The following EDNRA variants were observed in gnomAD, a reference collection of about 807,000 sequenced individuals.
The protein encoded by EDNRA is endothelin-1 receptor.
EDNRA carries 11 observed loss-of-function variants against 41.4 expected under a neutral mutation model. That is an observed-to-expected ratio of 0.27 (90% CI 0.17 to 0.44). The LOEUF is 0.44. Ranked by LOEUF, EDNRA falls within the 20% of genes least tolerant of loss-of-function variation. EDNRA has a pLI of 1.00. For missense variants in EDNRA, 294 were observed against 531.0 expected (o/e 0.55, Z 4.39); for synonymous variants, 172 against 183.0 (o/e 0.94, Z 0.49).
At chr4:147,529,599 G>T in intron 3 of EDNRA, among the ~76,000 whole-genome samples, 1 of 152,164 alleles carries the variant, frequency 6.6e-6, no homozygotes, top group East Asian at 1.9e-4. Context: ...AGAGAGGAGG[G>T]ATTCTTTCTG....
In EDNRA at chr4:147,536,040, T is replaced by A; in HGVS notation, c.900+11T>A. On this transcript the variant is annotated intron_variant, in intron 5 of 7. Coordinates refer to ENST00000651419, the MANE Select transcript of EDNRA (RefSeq NM_001957.4). ...GAACATCTTAAGCAGGTAAATCCCA[T>A]AACATCATGAAAATCTGGCCAGGAC... 1 of 1,613,746 alleles carries A rather than the reference T, an allele frequency of 6.2e-7. No individual in the cohort carries two copies. The highest frequency in any genetic ancestry group is 8.5e-7 in the Non-Finnish European group (1 of 1,179,812).
intron 3 of EDNRA, among the ~76,000 whole-genome samples, chr4:147,524,526 GA>G (rs1248577041): frequency 6.6e-6 from 1 of 151,072 alleles, no homozygotes; most frequent in African/African-American, 2.4e-5. Flanking sequence ...GGAAAAGAAA[GA>G]AAAGAAAAAA....
chr4:147,524,439 G>A (rs1730458682), intron 3 of EDNRA, among the ~76,000 whole-genome samples: 2 of 151,718 alleles, frequency 1.3e-5, no homozygotes. Context: ...GTTCCATCAC[G>A]ATAAATAGTT....
At chr4:147,496,901 A>T (rs558979172) in intron 2 of EDNRA, among the ~76,000 whole-genome samples, 2 of 152,176 alleles carry the variant, frequency 1.3e-5, no homozygotes, top group Non-Finnish European at 2.9e-5. Context: ...ACATTCTCCT[A>T]TGCATCTTTT....
chr4:147,497,145 T>G (rs1330781812), intron 2 of EDNRA, among the ~76,000 whole-genome samples: 1 of 146,328 alleles, frequency 6.8e-6, no homozygotes, highest in Non-Finnish European at 1.5e-5. Flanking sequence ...GCAATAGAAT[T>G]CTTCTTTTTT....
chr4:147,505,915 T>C (rs551805940), intron 2 of EDNRA, among the ~76,000 whole-genome samples: 1 of 152,250 alleles, frequency 6.6e-6, no homozygotes, highest in African/African-American at 2.4e-5. Context: ...CCCAAAGTGC[T>C]AGGATTACAG....
intron 4 of EDNRA, among the ~76,000 whole-genome samples, chr4:147,533,513 A>G (rs1226360250): frequency 1.3e-5 from 2 of 152,240 alleles, no homozygotes; most frequent in Non-Finnish European, 2.9e-5. Context: ...TTATTTACAG[A>G]CATCTCAAGG....
At chr4:147,518,402 G>A (rs558188930) in intron 2 of EDNRA, among the ~76,000 whole-genome samples, 1 of 152,306 alleles carries the variant, frequency 6.6e-6, no homozygotes, top group African/African-American at 2.4e-5. Flanking sequence ...CACCAATCGA[G>A]ACTGTTTATA....
chr4:147,506,478 A>C (rs1729720716), intron 2 of EDNRA: 1 of 351,518 alleles, frequency 2.8e-6, no homozygotes, highest in Non-Finnish European at 5.7e-6. Context: ...TGTAACAGCC[A>C]GTTTTGAACC....
At position 147,481,234 on chromosome 4, in the gene EDNRA, G is replaced by T; in HGVS notation, c.-213G>T. 1 of 153,076 alleles carries T rather than the reference G, an allele frequency of 6.5e-6. No homozygotes were observed. The highest frequency in any genetic ancestry group is 1.9e-4 in the South Asian group (1 of 5,318). The allele number at this position is 153,076 out of a possible 1,614,324, so 9.5% of individuals were successfully genotyped here. A position where few individuals can be genotyped will look rare whatever the true frequency, so the allele number is the denominator to read the frequency against. ...GCCCAGGAGGTTTTCTGAAGCCGGG[G>T]AAGCTGTGCAGCCGAAGCCGCCGCC... is the stretch of plus-strand genomic sequence containing the variant. On this transcript the variant is annotated 5_prime_UTR_variant, in exon 1 of 8. Coordinates refer to ENST00000651419, the MANE Select transcript of EDNRA (RefSeq NM_001957.4).
intron 2 of EDNRA, among the ~76,000 whole-genome samples, chr4:147,518,284 A>G (rs538239710): frequency 1.3e-5 from 2 of 152,208 alleles, no homozygotes; most frequent in Non-Finnish European, 2.9e-5. Context: ...CAGCAATGGC[A>G]TAATTATTTG....
rs185422012 is a variant in EDNRA, at chr4:147,486,256, A to C, written c.420+155A>C. On this transcript the variant is annotated intron_variant, in intron 2 of 7. Transcript: ENST00000651419. The surrounding 1 kb of genome is among the most constrained non-coding windows in gnomAD (Gnocchi z 4.3). ...TCTAACTACTAGTTTTAAGATTTAC[A>C]AATTTTATTATCTGTCTTATGTTAC... Among the ~76,000 whole-genome samples the C allele has an allele frequency of 1.6e-3, 247 of 152,336 alleles. No homozygotes were observed. Among genetic ancestry groups the C allele is most frequent in the Non-Finnish European group, 2.6e-3 (180 of 68,014 alleles).
intron 2 of EDNRA, among the ~76,000 whole-genome samples, chr4:147,503,741 G>A (rs1729592409): frequency 1.3e-5 from 2 of 152,238 alleles, no homozygotes; most frequent in Admixed American, 1.3e-4. Context: ...TATTAATCTA[G>A]ATCAGCGTTT....
rs543490260 is a variant in EDNRA at position 147,532,633 on chromosome 4, A to G, written c.676A>G (p.Met226Val). 3 of 1,614,100 alleles carry G rather than the reference A, an allele frequency of 1.9e-6. No homozygotes were observed. The East Asian group carries it at 6.7e-5, about 36-fold the overall frequency. The change falls in exon 4 of 8, where the codon ATG becomes GTG. Residue 226 changes from methionine (M) to valine (V), a missense_variant. Around this residue, in one of 3 missense-constraint regions of EDNRA, gnomAD observed 185 missense variants for 390.8 expected, o/e 0.47. Transcript: ENST00000651419. ...LAIPEAIGFVMVPFEYRGEQH... is the reference protein window; with the variant it reads ...LAIPEAIGFVVVPFEYRGEQH... ...CATTCCTGAAGCGATTGGCTTCGTC[A>G]TGGTACCCTTTGAATATAGGGGTGA...
chr4:147,530,525 T>C (rs1327664214), intron 3 of EDNRA, among the ~76,000 whole-genome samples: 1 of 152,234 alleles, frequency 6.6e-6, no homozygotes, highest in African/African-American at 2.4e-5. Flanking sequence ...ATCTGGACTT[T>C]TTTGAGATTT....
chr4:147,534,881 C>T (rs1730865775), intron 4 of EDNRA, among the ~76,000 whole-genome samples: 1 of 149,510 alleles, frequency 6.7e-6, no homozygotes, highest in Admixed American at 6.6e-5. Flanking sequence ...TAGTCAAGAA[C>T]TCCTCCCCCA....
chr4:147,512,512 A>T (rs10305885), intron 2 of EDNRA, among the ~76,000 whole-genome samples: 1,815 of 152,336 alleles, frequency 0.012, 37 homozygotes, highest in African/African-American at 0.042. Context: ...TTCCATCTAA[A>T]TGCAGTTTAG....
intron 2 of EDNRA, among the ~76,000 whole-genome samples, chr4:147,510,095 T>G (rs539752914): frequency 5.9e-5 from 9 of 152,292 alleles, no homozygotes; most frequent in Admixed American, 5.2e-4. Flanking sequence ...AGATTTGACT[T>G]TACAACATTT....
rs949286811 is a variant in EDNRA at position 147,519,690 on chromosome 4, C to T, written c.421-161C>T. Among the ~76,000 whole-genome samples the T allele has an allele frequency of 6.6e-6, 1 of 151,622 alleles. No individual in the cohort carries two copies. The highest frequency in any genetic ancestry group is 2.1e-4 in the South Asian group (1 of 4,816). On this transcript the variant is annotated intron_variant, in intron 2 of 7. Transcript: ENST00000651419. The surrounding 1 kb of genome is among the most constrained non-coding windows in gnomAD (Gnocchi z 4.1). Reference sequence around the variant, plus strand: ...TAAAAATTGCTGAGGCTTTAAAATACGAAAGAAAAAAATAACAATTCTAAT... The same window carrying T: ...TAAAAATTGCTGAGGCTTTAAAATATGAAAGAAAAAAATAACAATTCTAAT...
Sources: allele counts gnomAD v4.1 joint callset (sites outside exome capture counted in the v4.1 genomes callset), GRCh38; gene constraint gnomAD v4.1.1; regional missense constraint gnomAD v4.1.1; non-coding constraint Gnocchi (gnomAD v3.1); transcripts MANE v1.5; gene names NCBI Gene and HGNC (gene_info 2026-07-23, HGNC 2026-07-21).